The following BRAF variants were observed in gnomAD, a reference collection of about 807,000 sequenced individuals.
BRAF encodes the protein B-Raf proto-oncogene, serine/threonine kinase.
Under a neutral mutation model 104.6 loss-of-function variants are expected in BRAF, and 16 were observed. The observed-to-expected ratio is 0.15, with a 90% CI of 0.10 to 0.23. The LOEUF is 0.23. Ranked by LOEUF, BRAF falls within the 10% of genes least tolerant of loss-of-function variation. The pLI is 1.00. For synonymous variants in BRAF, 310 were observed against 341.6 expected, an observed-to-expected ratio of 0.91 and a Z score of 1.02; for missense variants, 541 against 937.3, an observed-to-expected ratio of 0.58 and a Z score of 5.52.
chr7:140,860,737 T>C (rs1240249080), intron 1 of BRAF, among the ~76,000 whole-genome samples: 2 of 152,204 alleles, frequency 1.3e-5, no homozygotes, highest in Non-Finnish European at 2.9e-5. Flanking sequence ...CATGTACATG[T>C]AGCAACAAAC....
chr7:140,808,171 G>C, intron 4 of BRAF, 109 bp from the exon 5 acceptor site: 1 of 821,458 alleles, frequency 1.2e-6, no homozygotes, highest in Non-Finnish European at 2.1e-6. Context: ...AACAGTGAGG[G>C]AGGTTTGGCT....
intron 1 of BRAF, among the ~76,000 whole-genome samples, chr7:140,906,661 G>C (rs954875841): frequency 2.6e-5 from 4 of 152,188 alleles, no homozygotes; most frequent in African/African-American, 9.7e-5. Context: ...AGAAAGAGCT[G>C]ATGGAGTTTG....
chr7:140,914,373 A>C (rs2129142385), intron 1 of BRAF, among the ~76,000 whole-genome samples: 1 of 152,302 alleles, frequency 6.6e-6, no homozygotes, highest in East Asian at 1.9e-4. Context: ...TACTGTTAGT[A>C]TGAGAAGGCA....
Position 140,764,215 on chromosome 7 carries a change from G to C in BRAF, c.1815-9982C>G, listed in dbSNP as rs1025907212. Among the ~76,000 whole-genome samples the C allele has an allele frequency of 1.4e-4, 21 of 151,624 alleles. No homozygotes were observed. The South Asian group carries it at 2.5e-3, about 18-fold the overall frequency. ...CAAAAACCACATGATTATCTCAATA[G>C]ATGCAGAAAAGGCCTTTGACAAAAT... On this transcript the variant is annotated intron_variant, in intron 14 of 19. Coordinates refer to ENST00000644969, the MANE Select transcript of BRAF (RefSeq NM_001374258.1).
intron 1 of BRAF, among the ~76,000 whole-genome samples, chr7:140,867,724 A>G (rs1811130588): frequency 6.6e-6 from 1 of 152,222 alleles, no homozygotes; most frequent in Non-Finnish European, 1.5e-5. Flanking sequence ...AGAGAAAACT[A>G]GTTCAAACAG....
chr7:140,721,687 G>GT lies in BRAF; in HGVS notation c.*4806dup. 1 of 1,533,926 alleles carries GT rather than the reference G, an allele frequency of 6.5e-7. No homozygotes were observed. The highest frequency in any genetic ancestry group is 1.4e-5 in the African/African-American group (1 of 73,004). On this transcript the variant is annotated 3_prime_UTR_variant, in exon 20 of 20. Coordinates refer to ENST00000644969, the MANE Select transcript of BRAF (RefSeq NM_001374258.1). ...CGATGGGCATCAGTAATCCATCCCA[G>GT]TATAACATTTCAAGGATGTGCTGGA... is the stretch of plus-strand genomic sequence containing the variant.
intron 14 of BRAF, among the ~76,000 whole-genome samples, chr7:140,757,546 C>G (rs923177129): frequency 1.3e-5 from 2 of 152,196 alleles, no homozygotes; most frequent in African/African-American, 4.8e-5. Flanking sequence ...CCTCAGCCTT[C>G]CAAAGTGCTG....
At chr7:140,729,409 C>T (rs974956305) in intron 19 of BRAF, among the ~76,000 whole-genome samples, 3 of 152,054 alleles carry the variant, frequency 2.0e-5, no homozygotes, top group East Asian at 1.9e-4. Context: ...CTTTGGGAGG[C>T]GGAGGAGGGT....
In BRAF at chr7:140,914,978, G is replaced by C. The variant is rs868372172; in HGVS notation, c.138+9588C>G. Among the ~76,000 whole-genome samples the C allele has an allele frequency of 5.2e-4, 23 of 44,158 alleles. 3 individuals are homozygous for C. Among genetic ancestry groups the C allele is most frequent in the African/African-American group, 1.4e-3 (18 of 12,722 alleles). 29.0% of individuals were successfully genotyped at this position (44,158 alleles called of 152,430 possible). On this transcript the variant is annotated intron_variant, in intron 1 of 19. Coordinates refer to ENST00000644969, the MANE Select transcript of BRAF (RefSeq NM_001374258.1). Reference sequence around the variant, plus strand: ...TCACTTGAACCCGGGGGGGGGGGGGGGCGGAGGTTGCAATGAGCCGAGATC... The same window carrying C: ...TCACTTGAACCCGGGGGGGGGGGGGCGCGGAGGTTGCAATGAGCCGAGATC...
At chr7:140,715,152 C>G (rs1430237265), downstream of BRAF, among the ~76,000 whole-genome samples, 1 of 152,190 alleles carries the variant, frequency 6.6e-6, no homozygotes, top group African/African-American at 2.4e-5. Context: ...TTCCTAGTAA[C>G]TGGGTTTCCA....
intron 1 of BRAF, among the ~76,000 whole-genome samples, chr7:140,895,966 C>G (rs915329385): frequency 5.9e-5 from 9 of 152,162 alleles, no homozygotes; most frequent in African/African-American, 2.2e-4. Flanking sequence ...ATCACAGGAA[C>G]CTCCATACTG....
intron 1 of BRAF, among the ~76,000 whole-genome samples, chr7:140,868,056 C>T (rs1811172921): frequency 6.6e-6 from 1 of 152,158 alleles, no homozygotes; most frequent in African/African-American, 2.4e-5. Flanking sequence ...ACCAAGTTGT[C>T]CACTCAAGAC....
downstream of BRAF, among the ~76,000 whole-genome samples, chr7:140,717,759 T>C (rs969001144): frequency 6.6e-6 from 1 of 152,208 alleles, no homozygotes; most frequent in African/African-American, 2.4e-5. Context: ...TAGTATGTTC[T>C]TAAAGCCACA....
rs1001218091 is a variant in BRAF, at chr7:140,722,338, T to G, written c.*4156A>C. The G allele has an allele frequency of 3.8e-6, 4 of 1,055,070 alleles. No homozygotes were observed. Among genetic ancestry groups the G allele is most frequent in the African/African-American group, 3.3e-5 (2 of 60,560 alleles). The allele number at this position is 1,055,070 out of a possible 1,614,324, so 65.4% of individuals were successfully genotyped here. ...GCAGTCTAAATTGCACTCTAAAAAT[T>G]ATTAACACAGCTGAGTTAAACCAGA... On this transcript the variant is annotated 3_prime_UTR_variant, in exon 20 of 20. Transcript: ENST00000644969.
chr7:140,719,906 ATG>A lies in BRAF; in HGVS notation c.*6586_*6587del, dbSNP rs1196378221. ...CCTTTGGCAGTAACAGAAAAGAGGA[ATG>A]TGTGTGTGAGTCGCCATAAGGTTTG... On this transcript the variant is annotated 3_prime_UTR_variant, in exon 20 of 20. Transcript: ENST00000644969. 1 of 1,061,838 alleles carries A rather than the reference ATG, an allele frequency of 9.4e-7. No individual in the cohort carries two copies. Among genetic ancestry groups the A allele is most frequent in the African/African-American group, 1.6e-5 (1 of 60,984 alleles). 65.8% of individuals were successfully genotyped at this position (1,061,838 alleles called of 1,614,324 possible). A position where few individuals can be genotyped will look rare whatever the true frequency, so the allele number is the denominator to read the frequency against.
chr7:140,903,553 A>G (rs1246717640), intron 1 of BRAF, among the ~76,000 whole-genome samples: 1 of 152,230 alleles, frequency 6.6e-6, no homozygotes, highest in Non-Finnish European at 1.5e-5. Flanking sequence ...CTGCTAACAC[A>G]TAAATCTTGC....
At chr7:140,834,489 C>T in intron 3 of BRAF, 120 bp downstream of exon 3, 1 of 1,345,322 alleles carries the variant, frequency 7.4e-7, no homozygotes, top group African/African-American at 1.5e-5. Flanking sequence ...TCCTGTATGA[C>T]ATGGATGCCT....
chr7:140,771,452 A>C (rs1391733474), intron 14 of BRAF, among the ~76,000 whole-genome samples: 3 of 152,120 alleles, frequency 2.0e-5, no homozygotes, highest in Admixed American at 6.5e-5. Context: ...CCTTGGCCTC[A>C]CAAAGTGCTG....
downstream of BRAF, among the ~76,000 whole-genome samples, chr7:140,717,446 T>A (rs1231219883): frequency 6.6e-6 from 1 of 152,164 alleles, no homozygotes; most frequent in Non-Finnish European, 1.5e-5. Context: ...AATTAAATTT[T>A]TTTTTTGGCC....
Sources: gnomAD v4.1 joint callset for allele counts (sites outside exome capture counted in the v4.1 genomes callset) on GRCh38, gnomAD v4.1.1 for gene constraint, MANE v1.5 for transcripts, NCBI Gene and HGNC (gene_info 2026-07-23, HGNC 2026-07-21) for gene names.